Variants in RAD51AP2 observed in about 807,000 individuals in gnomAD.
RAD51AP2 encodes RAD51-associated protein 2.
In RAD51AP2, 67 loss-of-function variants were observed where a neutral mutation model predicts 85.5. The ratio of observed to expected loss-of-function variants is 0.78; its 90% CI spans 0.64 to 0.96. The LOEUF is 0.96. RAD51AP2 is among the 40% of genes least tolerant of loss of function. The pLI is 0.00. For missense variants in RAD51AP2, 1,307 were observed against 1,332.4 expected, an observed-to-expected ratio of 0.98 and a Z score of 0.30; for synonymous variants, 474 against 446.5, an observed-to-expected ratio of 1.06 and a Z score of -0.78.
Position 17,517,605 on chromosome 2 carries a change from A to T in RAD51AP2, c.811T>A (p.Ser271Thr). 1 of 1,613,876 alleles carries T rather than the reference A, an allele frequency of 6.2e-7. No individual in the cohort carries two copies. The highest frequency in any genetic ancestry group is 8.5e-7 in the Non-Finnish European group (1 of 1,179,916). Reference sequence around the variant, plus strand: ...GCTATTTCCTTTAAATAGACAGAGGACATTTTGCTATTTAAGTCCATTGGA... The same window carrying T: ...GCTATTTCCTTTAAATAGACAGAGGTCATTTTGCTATTTAAGTCCATTGGA... ...QFPMDLNSKM[S>T]SVYLKEIAKK... The change falls in exon 1 of 3, where the codon TCC becomes ACC. Residue 271 changes from serine to threonine, a missense_variant. Ser to Thr is a moderately conservative substitution (Grantham distance 58). Coordinates refer to ENST00000399080, the MANE Select transcript of RAD51AP2 (RefSeq NM_001099218.3).
At chr2:17,536,391 T>G in the RAD51AP2 span, among the ~76,000 whole-genome samples, 1 of 152,254 alleles carries the variant, frequency 6.6e-6, no homozygotes, top group Admixed American at 6.5e-5. Flanking sequence ...AATTCTGTTA[T>G]CATCATTTAT....
the RAD51AP2 span, among the ~76,000 whole-genome samples, chr2:17,530,306 C>A: frequency 1.3e-5 from 2 of 152,108 alleles, no homozygotes; most frequent in Non-Finnish European, 2.9e-5. Flanking sequence ...TATCTTAACT[C>A]CCTTAATGTT....
At chr2:17,518,807 A>G (rs1164175639), upstream of RAD51AP2, among the ~76,000 whole-genome samples, 1 of 152,174 alleles carries the variant, frequency 6.6e-6, no homozygotes, top group Non-Finnish European at 1.5e-5. Flanking sequence ...TGTGAATGGT[A>G]ACAACTTTAT....
At chr2:17,515,126 T>C (rs1662611852) in intron 1 of RAD51AP2, 43 bp downstream of exon 1, 3 of 1,471,380 alleles carry the variant, frequency 2.0e-6, no homozygotes, top group Non-Finnish European at 2.7e-6. Context: ...AAAGCAGTAA[T>C]TTTTCTAGCA....
intron 2 of RAD51AP2, among the ~76,000 whole-genome samples, chr2:17,513,159 A>G (rs944736396): frequency 6.6e-6 from 1 of 151,826 alleles, no homozygotes; most frequent in African/African-American, 2.4e-5. Flanking sequence ...AATGTTAGAC[A>G]TACTGTGTTT....
chr2:17,524,777 GA>G, the RAD51AP2 span, among the ~76,000 whole-genome samples: 2 of 151,806 alleles, frequency 1.3e-5, no homozygotes, highest in African/African-American at 4.8e-5. Flanking sequence ...CTGTCAGCTT[GA>G]AAATATACCA....
In RAD51AP2 at chr2:17,517,127, C is replaced by A. The variant is rs200050816; in HGVS notation, c.1289G>T (p.Trp430Leu). 3 of 1,610,840 alleles carry A rather than the reference C, an allele frequency of 1.9e-6. No homozygotes were observed. The highest frequency in any genetic ancestry group is 2.5e-6 in the Non-Finnish European group (3 of 1,178,696). Residue 430 changes from tryptophan (W) to leucine (L), a missense_variant, in exon 1 of 3, where the codon TGG (tryptophan) becomes TTG (leucine). Around this residue, in one of 3 missense-constraint regions of RAD51AP2, gnomAD observed 635 missense variants for 643.6 expected, o/e 0.99. Transcript: ENST00000399080. ...TATTTCTAATAATAATAGCCAATTC[C>A]ATTTTTCTTCAGTTTTTTTCATATT... ...CENMKKTEEK[W>L]NWLLLLEIDL... is the part of the protein sequence containing the mutation.
rs1396707721 is a variant in RAD51AP2, at chr2:17,517,114, T to A, written c.1302A>T (p.Leu434Phe). The part of the protein sequence containing the change: ...KKTEEKWNWL[L>F]LLEIDLLSKE... ...TGCTTAAAAGGTCTATTTCTAATAA[T>A]AATAGCCAATTCCATTTTTCTTCAG... Residue 434 changes from leucine to phenylalanine, a missense_variant, in exon 1 of 3, where the codon TTA becomes TTT. Transcript: ENST00000399080. 1.9e-6 allele frequency: 3 copies of A among 1,612,010 alleles called. No homozygotes were observed. The African/African-American group carries it at 4.0e-5, about 22-fold the overall frequency.
At chr2:17,531,172 T>C in the RAD51AP2 span, among the ~76,000 whole-genome samples, 1 of 152,210 alleles carries the variant, frequency 6.6e-6, no homozygotes, top group Non-Finnish European at 1.5e-5. Context: ...GCTGATCATG[T>C]GGTATGTGCA....
At chr2:17,521,643 A>G (rs1662859001), upstream of RAD51AP2, among the ~76,000 whole-genome samples, 1 of 152,058 alleles carries the variant, frequency 6.6e-6, no homozygotes, top group African/African-American at 2.4e-5. Context: ...GCACTAGGGG[A>G]AAATAAGAAA....
the RAD51AP2 span, among the ~76,000 whole-genome samples, chr2:17,524,644 G>C: frequency 4.0e-5 from 6 of 151,776 alleles, no homozygotes; most frequent in African/African-American, 1.5e-4. Flanking sequence ...ATAGAGATTA[G>C]TTGTAACATA....
chr2:17,516,038 G>T lies in RAD51AP2; in HGVS notation c.2378C>A (p.Ala793Asp). The change falls in exon 1 of 3, where the codon GCC (alanine) becomes GAC (aspartate). Residue 793 changes from alanine (A) to aspartate (D), a missense_variant. Coordinates refer to ENST00000399080, the MANE Select transcript of RAD51AP2 (RefSeq NM_001099218.3). ...TATTATGTTGTGGCTTGCTGGTATG[G>T]CCTGTTGCCTAACATTGCAGAGATC... is the stretch of plus-strand genomic sequence containing the variant. ...FEDLCNVRQQ[A>D]IPASHNIIHN... The T allele has an allele frequency of 6.2e-7, 1 of 1,613,778 alleles. No individual in the cohort carries two copies. Among genetic ancestry groups the T allele is most frequent in the Non-Finnish European group, 8.5e-7 (1 of 1,179,804 alleles).
At chr2:17,518,843 C>A (rs780680658), upstream of RAD51AP2, among the ~76,000 whole-genome samples, 4 of 152,050 alleles carry the variant, frequency 2.6e-5, no homozygotes, top group Non-Finnish European at 5.9e-5. Flanking sequence ...ATTTTGTTTA[C>A]CTCAGAAACG....
the RAD51AP2 span, among the ~76,000 whole-genome samples, chr2:17,525,953 TAA>T: frequency 6.6e-6 from 1 of 151,810 alleles, no homozygotes; most frequent in Admixed American, 6.6e-5. Context: ...ATGATTGGAG[TAA>T]AGAGATAACA....
chr2:17,533,698 G>A, the RAD51AP2 span, among the ~76,000 whole-genome samples: 1 of 152,166 alleles, frequency 6.6e-6, no homozygotes. Flanking sequence ...AGGATTGCTT[G>A]AGGCCAGGAG....
chr2:17,515,323 G>A lies in RAD51AP2; in HGVS notation c.3093C>T (p.Phe1031=). The A allele has an allele frequency of 6.2e-7, 1 of 1,612,812 alleles. No individual in the cohort carries two copies. The highest frequency in any genetic ancestry group is 8.5e-7 in the Non-Finnish European group (1 of 1,179,660). The change falls in exon 1 of 3, where the codon TTC becomes TTT. Residue 1031 remains phenylalanine (F), a synonymous_variant. Coordinates refer to ENST00000399080, the MANE Select transcript of RAD51AP2 (RefSeq NM_001099218.3). ...VVNKIRASSS[F]HDTIAGPNMG... is the part of the protein sequence containing the mutation. ...TATTAGGACCTGCTATAGTATCATG[G>A]AACGAGGAAGATGCACGTATTTTGT... is the stretch of plus-strand genomic sequence containing the variant.
rs1304418348 is a variant in RAD51AP2, at chr2:17,515,589, AACATTC to A, written c.2821_2826del (p.Glu941_Cys942del). On this transcript the variant is annotated inframe_deletion, in exon 1 of 3. Coordinates refer to ENST00000399080, the MANE Select transcript of RAD51AP2 (RefSeq NM_001099218.3). Reference sequence around the variant, plus strand: ...AAATATTTAGCAGCTAAGTCCTGAAAACATTCATCATTCCCTTCACTCAGACCAGTT... The same window carrying A: ...AAATATTTAGCAGCTAAGTCCTGAAAATCATTCCCTTCACTCAGACCAGTT... 1 of 1,610,168 alleles carries A rather than the reference AACATTC, an allele frequency of 6.2e-7. No individual in the cohort carries two copies. Among genetic ancestry groups the A allele is most frequent in the Non-Finnish European group, 8.5e-7 (1 of 1,178,720 alleles).
In RAD51AP2 at chr2:17,515,706, T is replaced by G. The variant is rs768028597; in HGVS notation, c.2710A>C (p.Ser904Arg). 1 of 1,603,158 alleles carries G rather than the reference T, an allele frequency of 6.2e-7. No individual in the cohort carries two copies. The highest frequency in any genetic ancestry group is 1.3e-5 in the African/African-American group (1 of 74,446). The change falls in exon 1 of 3, where the codon AGT (serine) becomes CGT (arginine). Residue 904 changes from serine to arginine, a missense_variant. This residue lies in a region of RAD51AP2 where 668 missense variants were observed against 671.0 expected (regional missense o/e 1.00). Coordinates refer to ENST00000399080, the MANE Select transcript of RAD51AP2 (RefSeq NM_001099218.3). Reference protein sequence around the residue: ...NYVTNTNEYESILPEREIANS... With the variant: ...NYVTNTNEYERILPEREIANS... ...GCTATCTCCCTTTCTGGCAAAATAC[T>G]CTCATATTCATTTGTATTTGTTACA...
upstream of RAD51AP2, among the ~76,000 whole-genome samples, chr2:17,519,032 C>G (rs1018578014): frequency 5.3e-5 from 8 of 151,932 alleles, no homozygotes; most frequent in African/African-American, 1.9e-4. Context: ...CCAGTACTTA[C>G]CAGTCTATCT....
Sources: gnomAD v4.1 joint callset for allele counts (sites outside exome capture counted in the v4.1 genomes callset) on GRCh38, gnomAD v4.1.1 for gene constraint, gnomAD v4.1.1 regional missense constraint, MANE v1.5 for transcripts, NCBI Gene and HGNC (gene_info 2026-07-23, HGNC 2026-07-21) for gene names.